Variants in DTNB observed in about 807,000 individuals in gnomAD.
The protein encoded by DTNB is DTN-B.
Under a neutral mutation model 90.7 loss-of-function variants are expected in DTNB, and 63 were observed. The ratio of observed to expected loss-of-function variants is 0.69; its 90% CI spans 0.57 to 0.86. DTNB has a LOEUF of 0.86. Among genes scored for constraint, DTNB ranks in the 40% least tolerant of loss-of-function variants. The pLI is 0.00. For missense variants in DTNB, 744 were observed against 807.1 expected, an observed-to-expected ratio of 0.92 and a Z score of 0.95; for synonymous variants, 277 against 286.7, an observed-to-expected ratio of 0.97 and a Z score of 0.34.
chr2:25,512,978 G>A (rs1368466459), intron 9 of DTNB, among the ~76,000 whole-genome samples: 1 of 152,232 alleles, frequency 6.6e-6, no homozygotes, highest in African/African-American at 2.4e-5. Flanking sequence ...GTGAGGTTTT[G>A]TAGATTTTTA....
At chr2:25,449,587 T>C (rs1332516225) in intron 12 of DTNB, among the ~76,000 whole-genome samples, 1 of 152,202 alleles carries the variant, frequency 6.6e-6, no homozygotes, top group Non-Finnish European at 1.5e-5. Flanking sequence ...CATTTTCATG[T>C]GCTTATTGGC....
At chr2:25,510,562 C>T (rs1324759297) in intron 9 of DTNB, among the ~76,000 whole-genome samples, 1 of 151,286 alleles carries the variant, frequency 6.6e-6, no homozygotes, top group African/African-American at 2.4e-5. Context: ...GAATGGAGTA[C>T]AGTGATGCGA....
chr2:25,411,451 G>A (rs2046588609), intron 16 of DTNB, among the ~76,000 whole-genome samples: 1 of 152,054 alleles, frequency 6.6e-6, no homozygotes, highest in South Asian at 2.1e-4. Context: ...AAACTGCCAG[G>A]TCCCTACGGT....
chr2:25,486,359 G>T (rs1558725525), intron 9 of DTNB, among the ~76,000 whole-genome samples: 1 of 152,186 alleles, frequency 6.6e-6, no homozygotes. Context: ...AGCTACTCAG[G>T]AGGCTGGGGT....
At chr2:25,466,222 G>C (rs2061753500) in intron 10 of DTNB, among the ~76,000 whole-genome samples, 1 of 152,178 alleles carries the variant, frequency 6.6e-6, no homozygotes, top group African/African-American at 2.4e-5. Flanking sequence ...TGTAATCCCA[G>C]CTACTTGGGA....
In DTNB at chr2:25,433,006, AG is replaced by A; in HGVS notation, c.1344-8del. On this transcript the variant is annotated splice_polypyrimidine_tract_variant and splice_region_variant and intron_variant, in intron 13 of 20. Coordinates refer to ENST00000406818, the MANE Select transcript of DTNB (RefSeq NM_021907.5). Reference sequence around the variant, plus strand: ...AATCTCCTGCAGGATCTCTCTAGAGAGGATGGGTGAACGGAAAGGGGCTGCA... The same window carrying A: ...AATCTCCTGCAGGATCTCTCTAGAGAGATGGGTGAACGGAAAGGGGCTGCA... 2 of 1,597,050 alleles carry A rather than the reference AG, an allele frequency of 1.3e-6. No homozygotes were observed. The highest frequency in any genetic ancestry group is 1.7e-6 in the Non-Finnish European group (2 of 1,173,250).
At chr2:25,533,150 C>G (rs2078586793) in intron 8 of DTNB, among the ~76,000 whole-genome samples, 1 of 151,982 alleles carries the variant, frequency 6.6e-6, no homozygotes, top group Admixed American at 6.6e-5. Flanking sequence ...GTGGCGAAAC[C>G]CGGTCTCTAC....
chr2:25,558,447 C>CT, intron 8 of DTNB: 1 of 981,434 alleles, frequency 1.0e-6, no homozygotes, highest in African/African-American at 1.7e-5. Flanking sequence ...GACAAAAGGG[C>CT]TGTGGCTAAG....
intron 9 of DTNB, among the ~76,000 whole-genome samples, chr2:25,510,768 A>G (rs1031090415): frequency 5.3e-5 from 8 of 152,206 alleles, no homozygotes; most frequent in African/African-American, 1.9e-4. Flanking sequence ...TTGGCCTCCC[A>G]AAGTGCTGGG....
intron 12 of DTNB, among the ~76,000 whole-genome samples, chr2:25,442,132 T>C (rs539455398): frequency 1.4e-4 from 22 of 152,240 alleles, no homozygotes; most frequent in Non-Finnish European, 3.1e-4. Flanking sequence ...AACGTTGAGC[T>C]AATTAGGGCC....
At chr2:25,599,820 C>T (rs920063288) in intron 5 of DTNB, among the ~76,000 whole-genome samples, 3 of 152,092 alleles carry the variant, frequency 2.0e-5, no homozygotes. Context: ...GCTGGTCAGG[C>T]GTGGTGGCTC....
chr2:25,570,935 C>T (rs1382061545), intron 8 of DTNB, among the ~76,000 whole-genome samples: 1 of 152,182 alleles, frequency 6.6e-6, no homozygotes, highest in East Asian at 1.9e-4. Flanking sequence ...TCATAATATA[C>T]AATGACCTCA....
intron 2 of DTNB, among the ~76,000 whole-genome samples, chr2:25,646,428 T>C (rs1181157650): frequency 6.6e-6 from 1 of 151,530 alleles, no homozygotes; most frequent in East Asian, 1.9e-4. Context: ...GCCGAGATCA[T>C]GCCATTGCAC....
In DTNB at chr2:25,607,282, A is replaced by G; in HGVS notation, c.402T>C (p.Ala134=). 1 of 1,608,004 alleles carries G rather than the reference A, an allele frequency of 6.2e-7. No individual in the cohort carries two copies. The highest frequency in any genetic ancestry group is 8.5e-7 in the Non-Finnish European group (1 of 1,177,084). The change falls in exon 5 of 21, where the codon GCT becomes GCC. Residue 134 remains alanine (A), a synonymous_variant. Transcript: ENST00000406818. ...RGKLTVFSVK[A]MLATMCGGKM... ...TTCCACCACACATGGTTGCTAACAT[A>G]GCTTTAACTGAAAATACCGTCAACT...
At chr2:25,436,516 G>C (rs551702641) in intron 12 of DTNB, among the ~76,000 whole-genome samples, 1 of 152,218 alleles carries the variant, frequency 6.6e-6, no homozygotes, top group African/African-American at 2.4e-5. Context: ...TTCCTGTCTA[G>C]AGCATGAAGA....
At chr2:25,418,217 T>TG (rs2048440524) in intron 16 of DTNB, among the ~76,000 whole-genome samples, 1 of 152,190 alleles carries the variant, frequency 6.6e-6, no homozygotes, top group Non-Finnish European at 1.5e-5. Flanking sequence ...CTTGATGCCA[T>TG]GTGCCATCTT....
chr2:25,427,756 C>A (rs1307630002), intron 14 of DTNB, 125 bp from the exon 15 acceptor site: 3 of 783,472 alleles, frequency 3.8e-6, no homozygotes, highest in Non-Finnish European at 6.0e-6. Flanking sequence ...AGTCATTTAG[C>A]ATCCAATACC....
rs747447194 is a variant in DTNB, at chr2:25,429,347, G to A, written c.1458-1716C>T. ...GGCCTGCATTTCTATCGGCGAGTGC[G>A]GCTCTAGATCCCATCTACATTCCTG... On this transcript the variant is annotated intron_variant, in intron 14 of 20. Coordinates refer to ENST00000406818, the MANE Select transcript of DTNB (RefSeq NM_021907.5). Among the ~76,000 whole-genome samples, 9 of 152,106 alleles carry A rather than the reference G, an allele frequency of 5.9e-5. No homozygotes were observed. In the South Asian group the frequency reaches 1.2e-3, roughly 21 times the overall value.
At chr2:25,474,597 A>G (rs2063419566) in intron 10 of DTNB, among the ~76,000 whole-genome samples, 1 of 152,202 alleles carries the variant, frequency 6.6e-6, no homozygotes, top group Admixed American at 6.5e-5. Flanking sequence ...TATTCTATAG[A>G]TAATAAGATA....
Sources: gnomAD v4.1 joint callset for allele counts (sites outside exome capture counted in the v4.1 genomes callset) on GRCh38, gnomAD v4.1.1 for gene constraint, MANE v1.5 for transcripts, NCBI Gene and HGNC (gene_info 2026-07-23, HGNC 2026-07-21) for gene names.